IGSF8: variants seen among roughly 807,000 people sequenced by gnomAD.
IGSF8 encodes immunoglobulin superfamily member 8, also known as CD81 partner 3.
IGSF8 carries 46 observed loss-of-function variants against 55.5 expected under a neutral mutation model. That is an observed-to-expected ratio of 0.83 (90% CI 0.65 to 1.06). IGSF8 has a LOEUF of 1.06. Ranked by LOEUF, IGSF8 falls within the 50% of genes least tolerant of loss-of-function variation. IGSF8 has a pLI of 0.00. For missense variants in IGSF8, 731 were observed against 832.3 expected (o/e 0.88, Z 1.50); for synonymous variants, 314 against 356.1 (o/e 0.88, Z 1.33).
Position 160,098,500 on chromosome 1 carries a change from C to A in IGSF8, c.-28G>T. 1 of 1,325,014 alleles carries A rather than the reference C, an allele frequency of 7.5e-7. No homozygotes were observed. The highest frequency in any genetic ancestry group is 9.8e-7 in the Non-Finnish European group (1 of 1,023,000). 82.1% of individuals were successfully genotyped at this position (1,325,014 alleles called of 1,614,324 possible). On this transcript the variant is annotated 5_prime_UTR_variant, in exon 1 of 7. Coordinates refer to ENST00000314485, the MANE Select transcript of IGSF8 (RefSeq NM_052868.6). ...TGCGCGGCCAGCTCTGGGGAGGCTC[C>A]GGGGGATGGCGCGGGTTCTGGGGGG...
Position 160,098,516 on chromosome 1 carries a change from T to C in IGSF8, c.-44A>G. 6.8e-7 allele frequency: 1 copy of C among 1,470,958 alleles called. No individual in the cohort carries two copies. The highest frequency in any genetic ancestry group is 9.1e-7 in the Non-Finnish European group (1 of 1,097,786). The allele number at this position is 1,470,958 out of a possible 1,614,324, so 91.1% of individuals were successfully genotyped here. ...GGGAGGCTCCGGGGGATGGCGCGGG[T>C]TCTGGGGGGCCGGAAGGGTGGGGGG... is the stretch of plus-strand genomic sequence containing the variant. On this transcript the variant is annotated 5_prime_UTR_variant, in exon 1 of 7. Coordinates refer to ENST00000314485, the MANE Select transcript of IGSF8 (RefSeq NM_052868.6).
chr1:160,093,515 T>C (rs1650167793), intron 3 of IGSF8, among the ~76,000 whole-genome samples, 184 bp from the exon 4 acceptor site: 2 of 152,084 alleles, frequency 1.3e-5, no homozygotes, highest in Non-Finnish European at 2.9e-5. Flanking sequence ...GGGCCTCCTA[T>C]CTCTATACCC....
chr1:160,094,641 G>A lies in IGSF8; in HGVS notation c.442+228C>T, dbSNP rs1185965741. On this transcript the variant is annotated intron_variant, in intron 2 of 6. Coordinates refer to ENST00000314485, the MANE Select transcript of IGSF8 (RefSeq NM_052868.6). The surrounding 1 kb of genome is among the most constrained non-coding windows in gnomAD (Gnocchi z 4.0). ...AACTTAAGGACATTTCTTCTCCCAG[G>A]AGGGGTCTTAATATGATAAGATGAG... 6.6e-6 allele frequency among the ~76,000 whole-genome samples: 1 copy of A among 152,178 alleles called. No individual in the cohort carries two copies. The highest frequency in any genetic ancestry group is 1.9e-4 in the East Asian group (1 of 5,182).
chr1:160,097,592 C>G, intron 1 of IGSF8: 1 of 693,952 alleles, frequency 1.4e-6, no homozygotes, highest in Non-Finnish European at 1.8e-6. Flanking sequence ...CCATGCCATA[C>G]TCTTCCCCAG....
intron 1 of IGSF8, chr1:160,097,960 T>C (rs1298487204): frequency 1.0e-6 from 1 of 985,354 alleles, no homozygotes; most frequent in East Asian, 1.1e-4. Context: ...ACTTCAAAGA[T>C]CGTGGGCAGA....
At position 160,095,001 on chromosome 1, in the gene IGSF8, G is replaced by A. The variant is rs758985280; in HGVS notation, c.310C>T (p.Arg104Cys). ...RVVAGEVQVQ[R>C]LQGDAVVLKI... ...AGCACCACGGCATCACCTTGTAGGCGCTGCACCTGCACCTCACCCGCCACC... is the reference window on the plus strand; with the variant it reads ...AGCACCACGGCATCACCTTGTAGGCACTGCACCTGCACCTCACCCGCCACC... The change falls in exon 2 of 7, where the codon CGC (arginine) becomes TGC (cysteine). Residue 104 changes from arginine to cysteine, a missense_variant. Arg to Cys is a radical substitution (Grantham distance 180, BLOSUM62 -3). Coordinates refer to ENST00000314485, the MANE Select transcript of IGSF8 (RefSeq NM_052868.6). 24 of 1,614,078 alleles carry A rather than the reference G, an allele frequency of 1.5e-5. No homozygotes were observed. The highest frequency in any genetic ancestry group is 8.9e-5 in the East Asian group (4 of 44,884).
rs115798555 is a variant in IGSF8 at position 160,092,893 on chromosome 1, G to A, written c.1312+31C>T. ...GAAGGAAAAGGGGTTGACAATCCTC[G>A]AACCCCGTCCAGGGCCCAGCCCCCT... On this transcript the variant is annotated intron_variant, in intron 4 of 6. Coordinates refer to ENST00000314485, the MANE Select transcript of IGSF8 (RefSeq NM_052868.6). 2.7e-5 allele frequency: 43 copies of A among 1,567,888 alleles called. No individual in the cohort carries two copies. The African/African-American group carries it at 3.7e-4, about 13-fold the overall frequency.
Position 160,094,804 on chromosome 1 carries a change from ACTTG to A in IGSF8, c.442+61_442+64del. ...AACCTAAGGGGCAACTAGATAGGTC[ACTTG>A]TGGCCTTGACTTTCTGCCTTGAGAG... On this transcript the variant is annotated intron_variant, in intron 2 of 6. Coordinates refer to ENST00000314485, the MANE Select transcript of IGSF8 (RefSeq NM_052868.6). This position sits in a 1 kb window ranked among gnomAD's most constrained non-coding sequence, Gnocchi z 4.0. The A allele has an allele frequency of 6.5e-7, 1 of 1,530,506 alleles. No individual in the cohort carries two copies. The highest frequency in any genetic ancestry group is 8.9e-7 in the Non-Finnish European group (1 of 1,128,530). The allele number at this position is 1,530,506 out of a possible 1,614,324, so 94.8% of individuals were successfully genotyped here.
Position 160,093,207 on chromosome 1 carries a change from T to C in IGSF8, c.1029A>G (p.Val343=). The C allele has an allele frequency of 6.2e-7, 1 of 1,613,998 alleles. No homozygotes were observed. The highest frequency in any genetic ancestry group is 8.5e-7 in the Non-Finnish European group (1 of 1,179,944). ...PPAGRHAAYS[V]GWEMAPAGAP... ...CCCCCGCAGGTGCCATCTCCCAACC[T>C]ACAGAGTATGCAGCATGACGGCCTG... The change falls in exon 4 of 7, where the codon GTA becomes GTG. Residue 343 remains valine (V), a synonymous_variant. Transcript: ENST00000314485.
Position 160,094,757 on chromosome 1 carries a change from G to A in IGSF8, c.442+112C>T. The A allele has an allele frequency of 8.5e-7, 1 of 1,183,062 alleles. No homozygotes were observed. The highest frequency in any genetic ancestry group is 2.5e-5 in the East Asian group (1 of 39,658). The allele number at this position is 1,183,062 out of a possible 1,614,324, so 73.3% of individuals were successfully genotyped here. On this transcript the variant is annotated intron_variant, in intron 2 of 6. Transcript: ENST00000314485. This position sits in a 1 kb window ranked among gnomAD's most constrained non-coding sequence, Gnocchi z 4.0. ...TGTGCAAATCACTTAACCTCTTTGGGCCTCAAGTTCCTTGGCTACAAAACC... is the reference window on the plus strand; with the variant it reads ...TGTGCAAATCACTTAACCTCTTTGGACCTCAAGTTCCTTGGCTACAAAACC...
At chr1:160,095,972 CAGA>C (rs1650406740) in intron 1 of IGSF8, among the ~76,000 whole-genome samples, 1 of 152,214 alleles carries the variant, frequency 6.6e-6, no homozygotes, top group African/African-American at 2.4e-5. Context: ...CCAGCAGATA[CAGA>C]AGGTGCCTGC....
In IGSF8 at chr1:160,094,883, T is replaced by A. The variant is rs762501924; in HGVS notation, c.428A>T (p.Lys143Met). 1 of 1,612,738 alleles carries A rather than the reference T, an allele frequency of 6.2e-7. No individual in the cohort carries two copies. Among genetic ancestry groups the A allele is most frequent in the Non-Finnish European group, 8.5e-7 (1 of 1,179,260 alleles). The change falls in exon 2 of 7, where the codon AAG becomes ATG. Residue 143 changes from lysine (K) to methionine (M), a missense_variant. Lys to Met is a moderately conservative substitution (Grantham distance 95). Coordinates refer to ENST00000314485, the MANE Select transcript of IGSF8 (RefSeq NM_052868.6). The surrounding 1 kb of genome is among the most constrained non-coding windows in gnomAD (Gnocchi z 4.0). ...GGGCCCAGTACCTCTCAGCTCCACC[T>A]TGCCGCTGTAGCTGCCCAGGTAGCG... Reference protein sequence around the residue: ...DTRYLGSYSGKVELRVLPDVL... With the variant: ...DTRYLGSYSGMVELRVLPDVL...
upstream of IGSF8, chr1:160,098,626 C>T (rs2101970093): frequency 1.8e-6 from 1 of 560,254 alleles, no homozygotes; most frequent in East Asian, 3.3e-5. Flanking sequence ...GAATCCCCTC[C>T]CTCCGCCCCT....
At chr1:160,092,884 A>G in intron 4 of IGSF8, 40 bp downstream of exon 4, 2 of 1,557,018 alleles carry the variant, frequency 1.3e-6, no homozygotes, top group Non-Finnish European at 1.7e-6. Context: ...AAAGGGGTTG[A>G]CAATCCTCGA....
intron 1 of IGSF8, among the ~76,000 whole-genome samples, chr1:160,095,877 C>T (rs1237390698): frequency 6.6e-6 from 1 of 152,232 alleles, no homozygotes; most frequent in African/African-American, 2.4e-5. Context: ...GCAGCTGGGG[C>T]TTCTGGGGCA....
At chr1:160,091,760 G>T in intron 6 of IGSF8, 48 bp downstream of exon 6, 1 of 1,207,256 alleles carries the variant, frequency 8.3e-7, no homozygotes, top group Non-Finnish European at 1.2e-6. Flanking sequence ...CAGGACTTGG[G>T]GGTGGGAAGC....
intron 1 of IGSF8, chr1:160,097,643 A>G: frequency 1.0e-6 from 1 of 982,284 alleles, no homozygotes; most frequent in East Asian, 1.1e-4. Context: ...GGCCAAAAAC[A>G]ATTCCACTGT....
At chr1:160,096,740 C>CCT (rs1557992634) in intron 1 of IGSF8, among the ~76,000 whole-genome samples, 1 of 151,762 alleles carries the variant, frequency 6.6e-6, no homozygotes, top group Non-Finnish European at 1.5e-5. Context: ...CTGTCCTAGG[C>CCT]CTCAGTTTCC....
chr1:160,091,994 C>G, intron 5 of IGSF8, 56 bp from the exon 6 acceptor site: 1 of 1,227,014 alleles, frequency 8.1e-7, no homozygotes, highest in Admixed American at 1.7e-5. Flanking sequence ...CACCCATACA[C>G]TTGCCTCTGC....
Sources: gnomAD v4.1 joint callset for allele counts (sites outside exome capture counted in the v4.1 genomes callset) on GRCh38, gnomAD v4.1.1 for gene constraint, Gnocchi (gnomAD v3.1) non-coding constraint, MANE v1.5 for transcripts, NCBI Gene and HGNC (gene_info 2026-07-23, HGNC 2026-07-21) for gene names.